Variants in GPR158 observed in about 807,000 individuals in gnomAD.
GPR158 encodes metabotropic glycine receptor.
Under a neutral mutation model 78.2 loss-of-function variants are expected in GPR158, and 30 were observed. The observed-to-expected ratio is 0.38, with a 90% CI of 0.29 to 0.52. The LOEUF is 0.52. GPR158 is among the 20% of genes least tolerant of loss of function. The probability of loss-of-function intolerance (pLI) is 0.83; values close to 1 mark genes in which losing one functional copy is unlikely to be tolerated. For missense variants in GPR158, 1,463 were observed against 1,523.5 expected, an observed-to-expected ratio of 0.96 and a Z score of 0.66; for synonymous variants, 581 against 591.1, an observed-to-expected ratio of 0.98 and a Z score of 0.25.
intron 2 of GPR158, among the ~76,000 whole-genome samples, chr10:25,312,996 T>C (rs1239536528): frequency 1.3e-5 from 2 of 152,042 alleles, no homozygotes; most frequent in Non-Finnish European, 2.9e-5. Flanking sequence ...ATTGAGGACC[T>C]CTTGAAAGAG....
At chr10:25,370,353 T>A (rs1321944220) in intron 2 of GPR158, among the ~76,000 whole-genome samples, 1 of 141,562 alleles carries the variant, frequency 7.1e-6, no homozygotes, top group Non-Finnish European at 1.5e-5. Flanking sequence ...GTCCCAGAGA[T>A]CCTGGTATGT....
chr10:25,566,047 G>A (rs182867380), intron 6 of GPR158, among the ~76,000 whole-genome samples: 138 of 152,260 alleles, frequency 9.1e-4, no homozygotes, highest in African/African-American at 3.1e-3. Context: ...GAGGAAAACC[G>A]GAATTGCAAC....
intron 5 of GPR158, among the ~76,000 whole-genome samples, chr10:25,507,419 T>C (rs202173990): frequency 3.3e-5 from 5 of 152,300 alleles, no homozygotes; most frequent in East Asian, 3.9e-4. Context: ...TGGGGGTAGA[T>C]AGAAAACACT....
chr10:25,467,499 T>C (rs1181282627), intron 5 of GPR158, among the ~76,000 whole-genome samples: 1 of 152,154 alleles, frequency 6.6e-6, no homozygotes, highest in Non-Finnish European at 1.5e-5. Flanking sequence ...TGTTCTAGGG[T>C]AAAAATATTA....
intron 5 of GPR158, among the ~76,000 whole-genome samples, chr10:25,517,247 C>T (rs928952107): frequency 2.0e-5 from 3 of 150,296 alleles, no homozygotes; most frequent in African/African-American, 5.0e-5. Context: ...GCTGAAGTTG[C>T]TTATCAGCTT....
chr10:25,536,024 G>T (rs1836495865), intron 5 of GPR158, among the ~76,000 whole-genome samples: 2 of 152,112 alleles, frequency 1.3e-5, no homozygotes, highest in East Asian at 3.9e-4. Context: ...GAGAAATTAA[G>T]GAATTTGTCC....
intron 5 of GPR158, among the ~76,000 whole-genome samples, chr10:25,472,517 G>A (rs1029929908): frequency 2.0e-5 from 3 of 152,200 alleles, no homozygotes; most frequent in Non-Finnish European, 4.4e-5. Flanking sequence ...TTGGTAGCTG[G>A]ATGGGGATGG....
chr10:25,335,052 C>G (rs1855178745), intron 2 of GPR158, among the ~76,000 whole-genome samples: 1 of 152,024 alleles, frequency 6.6e-6, no homozygotes, highest in Non-Finnish European at 1.5e-5. Context: ...GAACATTGCA[C>G]AGATCTCTGG....
intron 4 of GPR158, among the ~76,000 whole-genome samples, chr10:25,429,747 C>G (rs557623308): frequency 6.9e-6 from 1 of 145,162 alleles, no homozygotes; most frequent in Non-Finnish European, 1.5e-5. Flanking sequence ...TAAACAGAAC[C>G]AAAGACAAAA....
At chr10:25,447,680 C>A (rs1157120907) in intron 4 of GPR158, among the ~76,000 whole-genome samples, 2 of 150,748 alleles carry the variant, frequency 1.3e-5, no homozygotes, top group Non-Finnish European at 2.9e-5. Flanking sequence ...GTTTATCCCT[C>A]TTTCATGATA....
chr10:25,589,296 GAATA>G, intron 8 of GPR158, 151 bp downstream of exon 8: 1 of 533,870 alleles, frequency 1.9e-6, no homozygotes, highest in Non-Finnish European at 3.2e-6. Flanking sequence ...TTTGGAAAAT[GAATA>G]GTTTGTTTTT....
intron 1 of GPR158, among the ~76,000 whole-genome samples, chr10:25,184,164 A>G (rs77547796): frequency 0.069 from 10,547 of 152,292 alleles, 586 homozygotes; most frequent in East Asian, 0.27. Context: ...TGGAAGCAAA[A>G]TGTAAACCTT....
At chr10:25,277,470 AAGAG>A (rs370403743) in intron 2 of GPR158, among the ~76,000 whole-genome samples, 1,920 of 149,350 alleles carry the variant, frequency 0.013, 29 homozygotes, top group South Asian at 0.06. Context: ...AAAAAAGCAA[AAGAG>A]AGAGAGAGAG....
intron 4 of GPR158, among the ~76,000 whole-genome samples, chr10:25,437,793 A>G (rs1835017569): frequency 6.6e-6 from 1 of 152,186 alleles, no homozygotes; most frequent in South Asian, 2.1e-4. Flanking sequence ...GTGTAAATAT[A>G]CAACATTCTT....
At position 25,238,405 on chromosome 10, in the gene GPR158, C is replaced by T. The variant is rs530789569; in HGVS notation, c.1008+17248C>T. 3.9e-5 allele frequency among the ~76,000 whole-genome samples: 6 copies of T among 152,328 alleles called. No homozygotes were observed. In the East Asian group the frequency reaches 9.6e-4, roughly 24 times the overall value. On this transcript the variant is annotated intron_variant, in intron 2 of 10. Transcript: ENST00000376351. ...TACAGTATGATTGTAATGTTAATAT[C>T]TGTTAATAAAATAACAATAAATTCA...
At chr10:25,271,479 C>T (rs763633083) in intron 2 of GPR158, among the ~76,000 whole-genome samples, 2 of 152,120 alleles carry the variant, frequency 1.3e-5, no homozygotes, top group Admixed American at 6.5e-5. Context: ...ATTGACATAC[C>T]GTCTGATTTT....
chr10:25,297,615 T>C lies in GPR158; in HGVS notation c.1008+76458T>C, dbSNP rs543574573. On this transcript the variant is annotated intron_variant, in intron 2 of 10. Coordinates refer to ENST00000376351, the MANE Select transcript of GPR158 (RefSeq NM_020752.3). ...GTTCTGTTTTATCTCTTAACCCCCA[T>C]CTCCCACGTACGTTGAATTTATCAA... 2.0e-5 allele frequency among the ~76,000 whole-genome samples: 3 copies of C among 152,230 alleles called. No individual in the cohort carries two copies. In the East Asian group the frequency reaches 5.8e-4, roughly 29 times the overall value.
At chr10:25,342,414 A>C (rs1038904834) in intron 2 of GPR158, among the ~76,000 whole-genome samples, 2 of 151,834 alleles carry the variant, frequency 1.3e-5, no homozygotes, top group African/African-American at 4.8e-5. Flanking sequence ...TTATTCTTTA[A>C]TAAGCCACAG....
chr10:25,324,293 C>A (rs1854996924), intron 2 of GPR158, among the ~76,000 whole-genome samples: 1 of 152,320 alleles, frequency 6.6e-6, no homozygotes, highest in African/African-American at 2.4e-5. Flanking sequence ...AGACATGCAA[C>A]TATTCCTTTC....
Sources: gnomAD v4.1 joint callset for allele counts (sites outside exome capture counted in the v4.1 genomes callset) on GRCh38, gnomAD v4.1.1 for gene constraint, MANE v1.5 for transcripts, NCBI Gene and HGNC (gene_info 2026-07-23, HGNC 2026-07-21) for gene names.